RSPO2: variants seen among roughly 807,000 people sequenced by gnomAD.
RSPO2 encodes the protein R-spondin-2.
RSPO2 carries 14 observed loss-of-function variants against 30.9 expected under a neutral mutation model. The ratio of observed to expected loss-of-function variants is 0.45; its 90% CI spans 0.30 to 0.71. RSPO2 has a LOEUF of 0.71. Ranked by LOEUF, RSPO2 falls within the 30% of genes least tolerant of loss-of-function variation. RSPO2 has a pLI of 0.08. For synonymous variants in RSPO2, 107 were observed against 96.4 expected (o/e 1.11, Z -0.64); for missense variants, 264 against 301.9 (o/e 0.87, Z 0.93).
intron 2 of RSPO2, among the ~76,000 whole-genome samples, chr8:108,055,075 C>G (rs897169100): frequency 2.6e-5 from 4 of 152,118 alleles, no homozygotes; most frequent in African/African-American, 9.6e-5. Context: ...GAGCTGAGAT[C>G]GCACCACTGC....
intron 3 of RSPO2, among the ~76,000 whole-genome samples, chr8:107,979,123 T>C (rs1019406417): frequency 9.9e-5 from 15 of 152,278 alleles, no homozygotes; most frequent in Middle Eastern, 3.4e-3. Flanking sequence ...GTCAGTGTGG[T>C]GATTCCTCAG....
chr8:107,925,214 T>G (rs1309337784), intron 5 of RSPO2, among the ~76,000 whole-genome samples: 2 of 151,680 alleles, frequency 1.3e-5, no homozygotes, highest in African/African-American at 2.4e-5. Context: ...ACCGCTCAGG[T>G]GACAGGCGCA....
At chr8:107,952,261 T>A (rs887730350) in intron 5 of RSPO2, among the ~76,000 whole-genome samples, 15 of 144,876 alleles carry the variant, frequency 1.0e-4, no homozygotes, top group African/African-American at 3.5e-4. Flanking sequence ...CCTCCCAGTT[T>A]ATAATCACTT....
In RSPO2 at chr8:107,983,837, A is replaced by T. The variant is rs1476096068; in HGVS notation, c.283+5219T>A. 5.6e-6 allele frequency: 9 copies of T among 1,601,284 alleles called. No homozygotes were observed. In the African/African-American group the frequency reaches 1.2e-4, roughly 21 times the overall value. On this transcript the variant is annotated intron_variant, in intron 3 of 5. Coordinates refer to ENST00000276659, the MANE Select transcript of RSPO2 (RefSeq NM_178565.5). ...ATTCAGAAACTGCTACAGCCTCCTC[A>T]ACCTGGCAGAAGTTTGCAGCAAATA...
chr8:108,082,072 A>G (rs1312413149), intron 2 of RSPO2: 1 of 215,520 alleles, frequency 4.6e-6, no homozygotes, highest in Middle Eastern at 2.2e-3. Context: ...CACACACACT[A>G]TGCTAGGTCA....
intron 2 of RSPO2, among the ~76,000 whole-genome samples, chr8:108,043,783 G>A (rs1464075436): frequency 6.6e-6 from 1 of 152,066 alleles, no homozygotes; most frequent in Non-Finnish European, 1.5e-5. Flanking sequence ...CTGGCTGTCC[G>A]AGCAGGGATG....
intron 5 of RSPO2, among the ~76,000 whole-genome samples, chr8:107,917,862 T>A (rs536425927): frequency 6.6e-6 from 1 of 152,182 alleles, no homozygotes; most frequent in Non-Finnish European, 1.5e-5. Flanking sequence ...TCCTAGTCAA[T>A]TGTGGCTTTA....
chr8:108,031,807 A>G (rs148480863), intron 2 of RSPO2, among the ~76,000 whole-genome samples: 62 of 152,280 alleles, frequency 4.1e-4, no homozygotes, highest in Non-Finnish European at 7.2e-4. Context: ...TCTTTTGGAT[A>G]TAGTGACTAG....
In RSPO2 at chr8:108,076,935, T is replaced by C. The variant is rs1813031975; in HGVS notation, c.94+5610A>G. 1.3e-5 allele frequency among the ~76,000 whole-genome samples: 2 copies of C among 151,812 alleles called. 1 individual carries two copies. The highest frequency in any genetic ancestry group is 2.9e-5 in the Non-Finnish European group (2 of 67,940). ...AAGAGAATGGACAGAAAATAGGAGG[T>C]AAAACCAGTGCAGTGTCACTAGCCA... is the stretch of plus-strand genomic sequence containing the variant. On this transcript the variant is annotated intron_variant, in intron 2 of 5. Coordinates refer to ENST00000276659, the MANE Select transcript of RSPO2 (RefSeq NM_178565.5).
intron 2 of RSPO2, among the ~76,000 whole-genome samples, chr8:108,003,247 ATGTATGTGTG>A (rs1488238976): frequency 0.043 from 2,581 of 59,732 alleles, 54 homozygotes; most frequent in Middle Eastern, 0.083. Flanking sequence ...ATATGTATGT[ATGTATGTGTG>A]TGTGTGTGTG....
chr8:108,033,482 C>G (rs1392148861), intron 2 of RSPO2, among the ~76,000 whole-genome samples: 1 of 152,184 alleles, frequency 6.6e-6, no homozygotes, highest in Non-Finnish European at 1.5e-5. Context: ...ATAAGCATGC[C>G]TGAGAGGCAG....
intron 2 of RSPO2, among the ~76,000 whole-genome samples, chr8:108,015,679 T>G (rs1810869308): frequency 6.6e-6 from 1 of 150,804 alleles, no homozygotes; most frequent in South Asian, 2.1e-4. Flanking sequence ...CCCCTACCCT[T>G]AATGTCTCCT....
intron 3 of RSPO2, among the ~76,000 whole-genome samples, chr8:107,962,062 T>A (rs896179517): frequency 6.6e-6 from 1 of 152,344 alleles, no homozygotes; most frequent in African/African-American, 2.4e-5. Flanking sequence ...GTAACAGTTT[T>A]AACCGACGCA....
intron 2 of RSPO2, among the ~76,000 whole-genome samples, chr8:108,018,356 C>T (rs1810956606): frequency 6.6e-6 from 1 of 152,192 alleles, no homozygotes; most frequent in Non-Finnish European, 1.5e-5. Flanking sequence ...AAATCCTTCT[C>T]ACACTGTAGT....
intron 5 of RSPO2, among the ~76,000 whole-genome samples, chr8:107,921,624 C>A (rs888699757): frequency 2.0e-5 from 3 of 151,940 alleles, no homozygotes; most frequent in African/African-American, 7.2e-5. Flanking sequence ...GGGCCAGCAC[C>A]ATCCTGATAA....
At chr8:107,904,440 T>A (rs951304670) in intron 5 of RSPO2, among the ~76,000 whole-genome samples, 2 of 151,968 alleles carry the variant, frequency 1.3e-5, no homozygotes, top group African/African-American at 2.4e-5. Flanking sequence ...ATTTTGCATA[T>A]CTTTATCCCT....
At chr8:107,951,867 G>GTCTATA (rs1813260055) in intron 5 of RSPO2, among the ~76,000 whole-genome samples, 1 of 151,930 alleles carries the variant, frequency 6.6e-6, no homozygotes, top group South Asian at 2.1e-4. Flanking sequence ...TTATGTCTAT[G>GTCTATA]TCCATGTCTA....
In RSPO2 at chr8:108,082,519, C is replaced by T. The variant is rs10955475; in HGVS notation, c.94+26G>A. ...CACACGCCACCCCTGAAGCCCACCA[C>T]GCACCTTTGGCAGAGAGGGACCCAC... On this transcript the variant is annotated intron_variant, in intron 2 of 5. Transcript: ENST00000276659. 324,803 of 1,587,202 alleles carry T rather than the reference C, an allele frequency of 0.2. 35,558 individuals are homozygous for T. The highest frequency in any genetic ancestry group is 0.37 in the East Asian group (16,328 of 44,692).
intron 2 of RSPO2, among the ~76,000 whole-genome samples, chr8:108,053,109 AGT>A (rs1354867784): frequency 3.9e-5 from 6 of 152,118 alleles, no homozygotes; most frequent in Non-Finnish European, 8.8e-5. Context: ...TGGGGGACTG[AGT>A]GTATCTTGAT....
Sources: gnomAD v4.1 joint callset for allele counts (sites outside exome capture counted in the v4.1 genomes callset) on GRCh38, gnomAD v4.1.1 for gene constraint, MANE v1.5 for transcripts, NCBI Gene and HGNC (gene_info 2026-07-23, HGNC 2026-07-21) for gene names.